The following CDH10 variants were observed in gnomAD, a reference collection of about 807,000 sequenced individuals.
CDH10 encodes cadherin 10, also known as cadherin-10.
A neutral mutation model predicts 73.1 loss-of-function variants in CDH10; 30 were observed. The observed-to-expected ratio is 0.41, with a 90% CI of 0.31 to 0.56. The LOEUF (loss-of-function observed/expected upper bound fraction) is 0.56, where lower values mean the gene tolerates loss of function less well. CDH10 is among the 20% of genes least tolerant of loss of function. CDH10 has a pLI of 0.27. For synonymous variants in CDH10, 345 were observed against 348.2 expected, an observed-to-expected ratio of 0.99 and a Z score of 0.10; for missense variants, 815 against 973.7, an observed-to-expected ratio of 0.84 and a Z score of 2.17.
chr5:24,632,479 T>C lies in CDH10; in HGVS notation c.-124+12115A>G, dbSNP rs192956650. On this transcript the variant is annotated intron_variant, in intron 1 of 11. Transcript: ENST00000264463. The stretch of plus-strand genomic sequence containing the variant: ...GAATAAAAGCAAATCAATAGTAATA[T>C]ATCTCAGAATAGAAGCACTTTTGTT... Among the ~76,000 whole-genome samples the C allele has an allele frequency of 3.2e-4, 48 of 152,120 alleles. No individual in the cohort carries two copies. The East Asian group carries it at 6.4e-3, about 20-fold the overall frequency.
chr5:24,601,174 T>C (rs1408700192), intron 1 of CDH10, among the ~76,000 whole-genome samples: 1 of 152,160 alleles, frequency 6.6e-6, no homozygotes, highest in Admixed American at 6.6e-5. Flanking sequence ...GGGTGCCTAC[T>C]GGGCTTAATG....
chr5:24,562,844 A>G (rs1302605364), intron 2 of CDH10, among the ~76,000 whole-genome samples: 2 of 152,196 alleles, frequency 1.3e-5, no homozygotes, highest in East Asian at 3.9e-4. Context: ...AAACACTTAC[A>G]AACTTATAGA....
chr5:24,559,494 T>C (rs1029414473), intron 2 of CDH10, among the ~76,000 whole-genome samples: 6 of 152,070 alleles, frequency 3.9e-5, no homozygotes, highest in Non-Finnish European at 7.4e-5. Context: ...CATTTCACTA[T>C]TGAACTGATT....
intron 5 of CDH10, among the ~76,000 whole-genome samples, chr5:24,516,440 A>G (rs942342283): frequency 6.6e-6 from 1 of 151,558 alleles, no homozygotes; most frequent in Non-Finnish European, 1.5e-5. Flanking sequence ...CTTACTGGCA[A>G]CAATTAATAC....
rs1043611170 is a variant in CDH10 at position 24,535,228 on chromosome 5, T to A, written c.698A>T (p.Tyr233Phe). 6.2e-7 allele frequency: 1 copy of A among 1,613,490 alleles called. No individual in the cohort carries two copies. Among genetic ancestry groups the A allele is most frequent in the African/African-American group, 1.3e-5 (1 of 74,984 alleles). Residue 233 changes from tyrosine to phenylalanine, a missense_variant, in exon 5 of 12, where the codon TAC becomes TTC. Around this residue, in one of 3 missense-constraint regions of CDH10, gnomAD observed 516 missense variants for 636.6 expected, o/e 0.81. Coordinates refer to ENST00000264463, the MANE Select transcript of CDH10 (RefSeq NM_006727.5). ...GTCTTTGGCCTGGATGACCACTTGG[T>A]ATTGCTCTCTGTTTTCTCTGTTCAT... ...PNMNRENREQ[Y>F]QVVIQAKDMG...
intron 2 of CDH10, among the ~76,000 whole-genome samples, chr5:24,573,528 C>T (rs1174524282): frequency 6.6e-6 from 1 of 151,584 alleles, no homozygotes; most frequent in Non-Finnish European, 1.5e-5. Flanking sequence ...GGTGAAACCC[C>T]GACTCTACTA....
chr5:24,532,264 T>C (rs1743780839), intron 5 of CDH10, among the ~76,000 whole-genome samples: 1 of 152,044 alleles, frequency 6.6e-6, no homozygotes, highest in South Asian at 2.1e-4. Context: ...ATAATAATAA[T>C]AATAATGGTA....
chr5:24,612,036 C>T (rs927826061), intron 1 of CDH10: 1 of 152,156 alleles, frequency 6.6e-6, no homozygotes, highest in African/African-American at 2.4e-5. Context: ...CCAAGCAAAG[C>T]CTGCCTGCAT....
intron 2 of CDH10, among the ~76,000 whole-genome samples, chr5:24,569,749 A>G (rs1210068675): frequency 6.6e-6 from 1 of 150,854 alleles, no homozygotes; most frequent in Non-Finnish European, 1.5e-5. Flanking sequence ...GTGAATCTTT[A>G]TGTGAACAAA....
In CDH10 at chr5:24,509,664, C is replaced by T. The variant is rs2111751555; in HGVS notation, c.1158G>A (p.Arg386=). Residue 386 remains arginine (R), a synonymous_variant, in exon 7 of 12, where the codon AGG becomes AGA. Transcript: ENST00000264463. ...EDVDEPPVFS[R]SSYLFEVHED... ...CATGAACTTCAAACAGATAGGAGGACCTACTAAAAACAGGAGGTTCATCCA... is the reference window on the plus strand; with the variant it reads ...CATGAACTTCAAACAGATAGGAGGATCTACTAAAAACAGGAGGTTCATCCA... 1.2e-6 allele frequency: 2 copies of T among 1,613,342 alleles called. No homozygotes were observed. The highest frequency in any genetic ancestry group is 1.7e-6 in the Non-Finnish European group (2 of 1,179,322).
chr5:24,611,947 C>T (rs1373368995), intron 1 of CDH10: 1 of 152,176 alleles, frequency 6.6e-6, no homozygotes, highest in Admixed American at 6.5e-5. Context: ...GAAACAGGAA[C>T]CTGCCAACAA....
chr5:24,576,844 C>A (rs35702507), intron 2 of CDH10, among the ~76,000 whole-genome samples: 30,385 of 151,692 alleles, frequency 0.2, 3,759 homozygotes, highest in Admixed American at 0.28. Flanking sequence ...AGCAGCATGC[C>A]AGTGGAGACT....
chr5:24,507,859 G>C (rs1387018913), intron 7 of CDH10, among the ~76,000 whole-genome samples: 2 of 152,126 alleles, frequency 1.3e-5, no homozygotes, highest in Non-Finnish European at 2.9e-5. Flanking sequence ...GCATGTACAG[G>C]TTTCTTCTGC....
chr5:24,529,122 TA>T (rs1743635620), intron 5 of CDH10, among the ~76,000 whole-genome samples: 1 of 152,030 alleles, frequency 6.6e-6, no homozygotes, highest in Non-Finnish European at 1.5e-5. Flanking sequence ...CTAATACTAT[TA>T]TTTTTACACT....
intron 7 of CDH10, among the ~76,000 whole-genome samples, chr5:24,507,968 T>C (rs903783794): frequency 6.6e-6 from 1 of 152,220 alleles, no homozygotes; most frequent in African/African-American, 2.4e-5. Flanking sequence ...AAATACATGA[T>C]TTCACTTGAA....
At chr5:24,631,321 G>C (rs983980563) in intron 1 of CDH10, among the ~76,000 whole-genome samples, 1 of 152,088 alleles carries the variant, frequency 6.6e-6, no homozygotes, top group African/African-American at 2.4e-5. Context: ...TTTGAGGGCA[G>C]GAGGTCTGAA....
intron 1 of CDH10, among the ~76,000 whole-genome samples, chr5:24,618,550 T>C (rs553609899): frequency 2.8e-4 from 43 of 152,380 alleles, no homozygotes; most frequent in South Asian, 6.2e-4. Context: ...TATCAGCTAT[T>C]CCTTTTAAAC....
Position 24,535,758 on chromosome 5 carries a change from T to C in CDH10, c.591A>G (p.Arg197=). ...ADDPSYGNSA[R]VIYSILQGQP... ...GCCCTTGAAGTATGCTGTAAATGAC[T>C]CTGGCGCTGTTCCCATATGAAGGGT... The change falls in exon 4 of 12, where the codon AGA becomes AGG. Residue 197 remains arginine (R), a synonymous_variant. Transcript: ENST00000264463. 6.2e-7 allele frequency: 1 copy of C among 1,611,126 alleles called. No individual in the cohort carries two copies. The highest frequency in any genetic ancestry group is 8.5e-7 in the Non-Finnish European group (1 of 1,177,858).
At chr5:24,552,174 T>C (rs1056827482) in intron 2 of CDH10, among the ~76,000 whole-genome samples, 7 of 152,042 alleles carry the variant, frequency 4.6e-5, no homozygotes, top group African/African-American at 1.7e-4. Context: ...CACTACAATT[T>C]TACCTTTTTG....
Sources: allele counts gnomAD v4.1 joint callset (sites outside exome capture counted in the v4.1 genomes callset), GRCh38; gene constraint gnomAD v4.1.1; regional missense constraint gnomAD v4.1.1; transcripts MANE v1.5; gene names NCBI Gene and HGNC (gene_info 2026-07-23, HGNC 2026-07-21).